The following RORA variants were observed in gnomAD, a reference collection of about 807,000 sequenced individuals.
The protein encoded by RORA is nuclear receptor ROR-alpha.
Under a neutral mutation model 69.5 loss-of-function variants are expected in RORA, and 7 were observed. That is an observed-to-expected ratio of 0.10 (90% confidence interval 0.06 to 0.19). The LOEUF (loss-of-function observed/expected upper bound fraction) is 0.19. Ranked by LOEUF, RORA falls within the 10% of genes least tolerant of loss-of-function variation. The pLI is 1.00. For synonymous variants in RORA, 261 were observed against 240.8 expected (o/e 1.08, Z -0.78); for missense variants, 457 against 663.0 (o/e 0.69, Z 3.41).
intron 2 of RORA, among the ~76,000 whole-genome samples, chr15:60,591,291 A>AGCGGGCGGCGGGCG (rs533592958): frequency 3.9e-5 from 6 of 152,092 alleles, no homozygotes; most frequent in Admixed American, 6.5e-5. Flanking sequence ...CGGGCGCACA[A>AGCGGGCGGCGGGCG]GCGGGCGGCG....
chr15:60,642,680 C>T (rs1050749008), intron 2 of RORA, among the ~76,000 whole-genome samples: 23 of 151,976 alleles, frequency 1.5e-4, no homozygotes, highest in Admixed American at 5.2e-4. Context: ...CACTTGAGCC[C>T]GGAAGTTCAA....
intron 2 of RORA, among the ~76,000 whole-genome samples, chr15:60,673,084 A>G (rs981475594): frequency 2.6e-5 from 4 of 152,210 alleles, no homozygotes; most frequent in African/African-American, 9.6e-5. Flanking sequence ...CACCATCTCA[A>G]CACACCCTTT....
intron 1 of RORA, among the ~76,000 whole-genome samples, chr15:61,164,497 G>A (rs1338784824): frequency 2.6e-5 from 4 of 152,180 alleles, no homozygotes; most frequent in African/African-American, 7.2e-5. Flanking sequence ...GGTCCTGCTT[G>A]TATGAAAAGG....
chr15:60,686,600 T>A (rs2070752962), intron 1 of RORA: 1 of 152,232 alleles, frequency 6.6e-6, no homozygotes, highest in South Asian at 2.1e-4. Flanking sequence ...AGCAGTTTTA[T>A]CTTCTAAGTG....
chr15:60,795,562 C>T (rs2072484265), intron 1 of RORA, among the ~76,000 whole-genome samples: 1 of 152,182 alleles, frequency 6.6e-6, no homozygotes. Context: ...TATATGGTAG[C>T]TAATATGATG....
intron 1 of RORA, among the ~76,000 whole-genome samples, chr15:60,963,525 A>G (rs1893470396): frequency 6.6e-6 from 1 of 152,212 alleles, no homozygotes; most frequent in African/African-American, 2.4e-5. Context: ...TGCTGGCATT[A>G]TCTAGGTTGT....
intron 2 of RORA, among the ~76,000 whole-genome samples, chr15:60,538,559 C>G (rs1274586823): frequency 6.6e-6 from 1 of 152,148 alleles, no homozygotes; most frequent in Non-Finnish European, 1.5e-5. Context: ...GCTAGCTAGA[C>G]TTACTTAAAT....
chr15:60,866,546 G>A (rs2073489250), intron 1 of RORA, among the ~76,000 whole-genome samples: 1 of 152,118 alleles, frequency 6.6e-6, no homozygotes, highest in Admixed American at 6.5e-5. Context: ...CCTAAGCATG[G>A]GGGGCTGGTT....
intron 1 of RORA, among the ~76,000 whole-genome samples, chr15:61,059,515 G>T (rs376735945): frequency 6.6e-6 from 1 of 152,212 alleles, no homozygotes; most frequent in African/African-American, 2.4e-5. Flanking sequence ...AAGGAATTAT[G>T]AATGTTTCTG....
chr15:60,665,523 A>G (rs1192234696), intron 2 of RORA, among the ~76,000 whole-genome samples: 1 of 152,234 alleles, frequency 6.6e-6, no homozygotes, highest in South Asian at 2.1e-4. Flanking sequence ...AAACTGCAGA[A>G]AGAAACTTTA....
intron 2 of RORA, among the ~76,000 whole-genome samples, chr15:60,549,999 G>A (rs1387843663): frequency 2.6e-5 from 4 of 152,156 alleles, no homozygotes; most frequent in African/African-American, 9.7e-5. Flanking sequence ...CTTGAAAAAA[G>A]TGTAGAAGAG....
intron 1 of RORA, among the ~76,000 whole-genome samples, chr15:60,684,615 TCAAA>T (rs1194566593): frequency 7.9e-5 from 12 of 152,152 alleles, no homozygotes; most frequent in Admixed American, 6.5e-5. Context: ...AGACTCCATC[TCAAA>T]CAAACAAACA....
At chr15:60,699,383 C>A (rs1183683390) in intron 1 of RORA, among the ~76,000 whole-genome samples, 5 of 152,100 alleles carry the variant, frequency 3.3e-5, no homozygotes, top group Non-Finnish European at 5.9e-5. Flanking sequence ...TTGTTTCACT[C>A]CACTTCTCAA....
At chr15:60,638,992 T>TCA (rs1471008166) in intron 2 of RORA, among the ~76,000 whole-genome samples, 4 of 152,108 alleles carry the variant, frequency 2.6e-5, no homozygotes, top group African/African-American at 9.7e-5. Context: ...AGGGTCAGAG[T>TCA]CACGGGCAAT....
intron 2 of RORA, among the ~76,000 whole-genome samples, chr15:60,676,752 C>G (rs908720112): frequency 4.6e-5 from 7 of 152,228 alleles, no homozygotes; most frequent in East Asian, 1.9e-4. Flanking sequence ...TTTTTCCTCT[C>G]TAGCCACCAC....
intron 1 of RORA, among the ~76,000 whole-genome samples, chr15:60,920,014 C>T (rs1366758341): frequency 1.3e-5 from 2 of 151,988 alleles, no homozygotes; most frequent in African/African-American, 4.8e-5. Flanking sequence ...TAACTGCATA[C>T]GAAGGAGAAG....
At chr15:60,898,951 G>C (rs144790156) in intron 1 of RORA, among the ~76,000 whole-genome samples, 35 of 152,280 alleles carry the variant, frequency 2.3e-4, no homozygotes, top group African/African-American at 7.7e-4. Flanking sequence ...ATGAGACCAT[G>C]GTAGATATTC....
chr15:61,182,291 T>C (rs908847863), intron 1 of RORA, among the ~76,000 whole-genome samples: 1 of 152,224 alleles, frequency 6.6e-6, no homozygotes, highest in Admixed American at 6.5e-5. Flanking sequence ...CAGCTCAGTA[T>C]CATCAGGAAC....
chr15:61,022,738 G>T lies in RORA; in HGVS notation c.166+206315C>A, dbSNP rs1033420628. On this transcript the variant is annotated intron_variant, in intron 1 of 10. Coordinates refer to ENST00000335670, the MANE Select transcript of RORA (RefSeq NM_134261.3). ...TAAAATGGTTAACTGAGAGTTAACTGGTTAATTCTATTCTAAAACACGTTT... is the reference window on the plus strand; with the variant it reads ...TAAAATGGTTAACTGAGAGTTAACTTGTTAATTCTATTCTAAAACACGTTT... 2.6e-5 allele frequency among the ~76,000 whole-genome samples: 4 copies of T among 152,148 alleles called. No homozygotes were observed. In the East Asian group the frequency reaches 7.7e-4, roughly 29 times the overall value.
Sources: gnomAD v4.1 joint callset for allele counts (sites outside exome capture counted in the v4.1 genomes callset) on GRCh38, gnomAD v4.1.1 for gene constraint, MANE v1.5 for transcripts, NCBI Gene and HGNC (gene_info 2026-07-23, HGNC 2026-07-21) for gene names.